CAMKMT: variants seen among roughly 807,000 people sequenced by gnomAD.
The protein encoded by CAMKMT is CaM KMT.
Under a neutral mutation model 48.0 loss-of-function variants are expected in CAMKMT, and 53 were observed. The ratio of observed to expected loss-of-function variants is 1.10; its 90% CI spans 0.89 to 1.39. The LOEUF is 1.39. Ranked by LOEUF, CAMKMT falls within the 40% of genes most tolerant of loss-of-function variation. The pLI, the probability that CAMKMT is intolerant of heterozygous loss-of-function variation, is 0.00. For missense variants in CAMKMT, 428 were observed against 402.7 expected (o/e 1.06, Z -0.54); for synonymous variants, 165 against 152.3 (o/e 1.08, Z -0.61).
chr2:44,462,087 CTG>C (rs1172685651), intron 3 of CAMKMT, among the ~76,000 whole-genome samples: 2 of 152,064 alleles, frequency 1.3e-5, no homozygotes, highest in African/African-American at 4.8e-5. Context: ...AAGTATCAAA[CTG>C]ATATTAAATG....
intron 3 of CAMKMT, among the ~76,000 whole-genome samples, chr2:44,592,111 C>T (rs886702167): frequency 9.1e-4 from 138 of 151,902 alleles, no homozygotes; most frequent in Admixed American, 1.6e-3. Context: ...ACACCTAATG[C>T]TAAATGACGA....
chr2:44,364,898 C>T (rs1678429884), intron 1 of CAMKMT, among the ~76,000 whole-genome samples: 2 of 152,172 alleles, frequency 1.3e-5, no homozygotes, highest in South Asian at 4.1e-4. Flanking sequence ...TTTTAAACCC[C>T]TGCTCACATC....
At chr2:44,768,272 G>A (rs1204024249) in intron 10 of CAMKMT, among the ~76,000 whole-genome samples, 1 of 151,038 alleles carries the variant, frequency 6.6e-6, no homozygotes, top group Non-Finnish European at 1.5e-5. Context: ...GGTGGGGAGA[G>A]TGTAGAACCC....
intron 3 of CAMKMT, among the ~76,000 whole-genome samples, chr2:44,401,595 C>T (rs1682382160): frequency 6.6e-6 from 1 of 151,990 alleles, no homozygotes; most frequent in Non-Finnish European, 1.5e-5. Flanking sequence ...TACATTGCTT[C>T]ACCAATGAAG....
intron 3 of CAMKMT, among the ~76,000 whole-genome samples, chr2:44,566,529 G>A (rs1668625233): frequency 6.6e-6 from 1 of 152,100 alleles, no homozygotes. Flanking sequence ...TCACACAGGG[G>A]CTGTCCTAAA....
At chr2:44,590,421 A>G (rs1232960575) in intron 3 of CAMKMT, among the ~76,000 whole-genome samples, 6 of 152,026 alleles carry the variant, frequency 3.9e-5, no homozygotes, top group Non-Finnish European at 7.4e-5. Flanking sequence ...TTAAACTACA[A>G]ATTTCTGACT....
In CAMKMT at chr2:44,524,058, T is replaced by A. The variant is rs181722528; in HGVS notation, c.376+133753T>A. 2.6e-5 allele frequency among the ~76,000 whole-genome samples: 4 copies of A among 152,224 alleles called. No individual in the cohort carries two copies. In the East Asian group the frequency reaches 7.7e-4, roughly 29 times the overall value. The stretch of plus-strand genomic sequence containing the variant: ...TCCCAAAGTGCTGGGATTACAGGCG[T>A]GAGCCACCGTGTCGAACACAGAGAG... On this transcript the variant is annotated intron_variant, in intron 3 of 10. Coordinates refer to ENST00000378494, the MANE Select transcript of CAMKMT (RefSeq NM_024766.5).
intron 3 of CAMKMT, among the ~76,000 whole-genome samples, chr2:44,455,498 T>G (rs893909026): frequency 6.6e-6 from 1 of 152,204 alleles, no homozygotes; most frequent in African/African-American, 2.4e-5. Flanking sequence ...TTGTCATTCA[T>G]TGCAGCTGTA....
At chr2:44,365,628 C>T (rs554399254) in intron 1 of CAMKMT, among the ~76,000 whole-genome samples, 31 of 152,288 alleles carry the variant, frequency 2.0e-4, no homozygotes, top group African/African-American at 7.5e-4. Flanking sequence ...TCTGATAGGC[C>T]AAGGTTAGAC....
Position 44,445,645 on chromosome 2 carries a change from GTTTTTTTTTTTTTTTTTTTTTTTTT to G in CAMKMT, c.376+55364_376+55388del, listed in dbSNP as rs869258613. On this transcript the variant is annotated intron_variant, in intron 3 of 10. Coordinates refer to ENST00000378494, the MANE Select transcript of CAMKMT (RefSeq NM_024766.5). ...AGTCCAACATGTCGGCAAAAGGGTA[GTTTTTTTTTTTTTTTTTTTTTTTTT>G]TTTTTTTTTTTTTTTTTTTTTTTAC... Among the ~76,000 whole-genome samples, 83 of 101,426 alleles carry G rather than the reference GTTTTTTTTTTTTTTTTTTTTTTTTT, an allele frequency of 8.2e-4. 3 individuals carry two copies. The highest frequency in any genetic ancestry group is 2.6e-3 in the African/African-American group (71 of 27,364). The allele number at this position is 101,426 out of a possible 152,430, so 66.5% of individuals were successfully genotyped here.
chr2:44,497,099 T>C (rs1284450764), intron 3 of CAMKMT, among the ~76,000 whole-genome samples: 1 of 152,136 alleles, frequency 6.6e-6, no homozygotes, highest in Non-Finnish European at 1.5e-5. Context: ...TGTGACAAAA[T>C]TAAAGGCAAA....
At chr2:44,606,287 G>C (rs1002981968) in intron 3 of CAMKMT, among the ~76,000 whole-genome samples, 1 of 152,154 alleles carries the variant, frequency 6.6e-6, no homozygotes, top group Non-Finnish European at 1.5e-5. Context: ...GAAATTAAGT[G>C]ATAATATATG....
chr2:44,549,512 C>G, intron 3 of CAMKMT: 2 of 692,756 alleles, frequency 2.9e-6, no homozygotes, highest in Non-Finnish European at 2.6e-6. Flanking sequence ...TACTTTTGCA[C>G]CAACCTAAAA....
chr2:44,752,526 C>G (rs1041621257), intron 8 of CAMKMT, among the ~76,000 whole-genome samples: 1 of 152,126 alleles, frequency 6.6e-6, no homozygotes, highest in Admixed American at 6.5e-5. Context: ...CTGTCCCCAC[C>G]CTAACCCCAC....
Position 44,372,731 on chromosome 2 carries a change from CA to C in CAMKMT, c.155del (p.His52ProfsTer11), listed in dbSNP as rs1679303326. 3.7e-6 allele frequency: 6 copies of C among 1,612,512 alleles called. No individual in the cohort carries two copies. Among genetic ancestry groups the C allele is most frequent in the Non-Finnish European group, 5.1e-6 (6 of 1,179,532 alleles). The stretch of plus-strand genomic sequence containing the variant: ...TATTTCAAAGGTTCTGAAGCAAAAA[CA>C]CCTGGATGATTGCCTGCGACATGTA... ...KLLRQVLKQK[H>X]LDDCLRHVSV... On this transcript the variant is annotated frameshift_variant, in exon 2 of 11. Coordinates refer to ENST00000378494, the MANE Select transcript of CAMKMT (RefSeq NM_024766.5). LOFTEE classifies it high-confidence loss of function.
chr2:44,508,478 A>G (rs1374568347), intron 3 of CAMKMT, among the ~76,000 whole-genome samples: 2 of 152,174 alleles, frequency 1.3e-5, no homozygotes, highest in Non-Finnish European at 2.9e-5. Flanking sequence ...TTTCATGCAC[A>G]ATGAAAGCAT....
At chr2:44,467,531 C>G (rs376853845) in intron 3 of CAMKMT, among the ~76,000 whole-genome samples, 25 of 141,908 alleles carry the variant, frequency 1.8e-4, no homozygotes, top group African/African-American at 6.3e-4. Flanking sequence ...AAGAGCGAAA[C>G]TCTGTCTCAG....
At chr2:44,569,611 G>C (rs1668799956) in intron 3 of CAMKMT, among the ~76,000 whole-genome samples, 1 of 151,974 alleles carries the variant, frequency 6.6e-6, no homozygotes, top group Admixed American at 6.6e-5. Flanking sequence ...TCAGTGTCCT[G>C]TCTTTCTCTC....
chr2:44,729,961 C>T (rs1034683800), intron 7 of CAMKMT, among the ~76,000 whole-genome samples: 6 of 152,042 alleles, frequency 3.9e-5, no homozygotes, highest in Admixed American at 1.3e-4. Flanking sequence ...TGATGTATGC[C>T]GAAGTTTGAA....
Sources: allele counts gnomAD v4.1 joint callset (sites outside exome capture counted in the v4.1 genomes callset), GRCh38; gene constraint gnomAD v4.1.1; transcripts MANE v1.5; gene names NCBI Gene and HGNC (gene_info 2026-07-23, HGNC 2026-07-21).